KALRN: variants seen among roughly 807,000 people sequenced by gnomAD.
KALRN encodes the protein kalirin.
KALRN carries 70 observed loss-of-function variants against 353.7 expected under a neutral mutation model. The observed-to-expected ratio is 0.20, with a 90% confidence interval of 0.16 to 0.24. The LOEUF is 0.24. KALRN is among the 10% of genes least tolerant of loss of function. KALRN has a pLI of 1.00. For missense variants in KALRN, 2,791 were observed against 3,756.7 expected (o/e 0.74, Z 6.72); for synonymous variants, 1,391 against 1,434.8 (o/e 0.97, Z 0.69).
At chr3:124,223,787 T>C (rs563034712) in intron 1 of KALRN, among the ~76,000 whole-genome samples, 2 of 152,302 alleles carry the variant, frequency 1.3e-5, no homozygotes, top group South Asian at 4.1e-4. Context: ...CATTGCCGTG[T>C]AAGGTCACAC....
At chr3:124,638,760 G>A (rs1237323002) in intron 37 of KALRN, among the ~76,000 whole-genome samples, 5 of 152,140 alleles carry the variant, frequency 3.3e-5, no homozygotes, top group Non-Finnish European at 7.4e-5. Context: ...TCTCCAATGG[G>A]GGGGTGCCCT....
intron 17 of KALRN, among the ~76,000 whole-genome samples, chr3:124,435,324 A>G (rs2093422783): frequency 6.6e-6 from 1 of 152,278 alleles, no homozygotes; most frequent in African/African-American, 2.4e-5. Flanking sequence ...GGAACTAGAA[A>G]CACACCAGAT....
intron 1 of KALRN, among the ~76,000 whole-genome samples, chr3:124,047,166 A>G (rs1249446225): frequency 2.0e-5 from 3 of 152,198 alleles, no homozygotes; most frequent in African/African-American, 7.2e-5. Flanking sequence ...TTCTTTTAGA[A>G]AGATCCAAGT....
At chr3:124,309,917 T>TA (rs1370044322) in intron 6 of KALRN, among the ~76,000 whole-genome samples, 1 of 152,178 alleles carries the variant, frequency 6.6e-6, no homozygotes, top group African/African-American at 2.4e-5. Context: ...TTGGAGGGTC[T>TA]ATTCAGGGCA....
At chr3:124,215,741 T>C (rs2077270279) in intron 1 of KALRN, among the ~76,000 whole-genome samples, 1 of 152,132 alleles carries the variant, frequency 6.6e-6, no homozygotes, top group African/African-American at 2.4e-5. Flanking sequence ...GCTGTGACCT[T>C]CCCCTCAAGA....
intron 10 of KALRN, among the ~76,000 whole-genome samples, chr3:124,349,446 A>T (rs2082616090): frequency 6.6e-6 from 1 of 151,420 alleles, no homozygotes; most frequent in Non-Finnish European, 1.5e-5. Context: ...AAACATTATG[A>T]TTTTTTTTGC....
chr3:124,661,670 C>T (rs72966671), intron 44 of KALRN, among the ~76,000 whole-genome samples, 181 bp from the exon 45 acceptor site: 181 of 152,340 alleles, frequency 1.2e-3, no homozygotes, highest in African/African-American at 4.3e-3. Context: ...TGAGGACCAA[C>T]ACCCTCCCTC....
intron 13 of KALRN, chr3:124,410,131 G>A (rs1358386831): frequency 2.1e-6 from 1 of 485,698 alleles, no homozygotes; most frequent in East Asian, 5.9e-5. Flanking sequence ...GCTTAGATTT[G>A]AATTCCCAAG....
rs779118555 is a variant in KALRN at position 124,422,928 on chromosome 3, C to A, written c.2659C>A (p.Arg887=). ...LELNAEQTHK[R]LEQCLQLRHL... is the part of the protein sequence containing the mutation. The stretch of plus-strand genomic sequence containing the variant: ...GCTCAATGCAGAGCAGACTCATAAG[C>A]GGCTAGAGCAGTGCCTCCAATTACG... The change falls in exon 15 of 60, where the codon CGG becomes AGG. Residue 887 remains arginine (R), a synonymous_variant. Transcript: ENST00000682506. 1.2e-6 allele frequency: 2 copies of A among 1,613,754 alleles called. No homozygotes were observed. Among genetic ancestry groups the A allele is most frequent in the East Asian group, 2.2e-5 (1 of 44,884 alleles).
intron 1 of KALRN, among the ~76,000 whole-genome samples, chr3:124,164,927 C>T (rs186221096): frequency 1.3e-3 from 204 of 152,250 alleles, no homozygotes; most frequent in Middle Eastern, 3.4e-3. Flanking sequence ...ATCTTTGTCC[C>T]GATCATAGTA....
intron 7 of KALRN, 49 bp from the exon 8 acceptor site, chr3:124,329,812 T>C (rs1272539563): frequency 6.3e-7 from 1 of 1,589,730 alleles, no homozygotes; most frequent in East Asian, 2.3e-5. Context: ...TCCACCCAAC[T>C]CCTCACCCCC....
intron 1 of KALRN, among the ~76,000 whole-genome samples, chr3:124,182,551 A>G (rs543687223): frequency 5.3e-5 from 8 of 152,358 alleles, no homozygotes; most frequent in African/African-American, 1.9e-4. Context: ...ACAGTCGCAC[A>G]TAGCCTAGCC....
rs142942083 is a variant in KALRN at position 124,268,787 on chromosome 3, C to T, written c.501C>T (p.Pro167=). Residue 167 remains proline, a synonymous_variant, in exon 5 of 60, where the codon CCC becomes CCT. Transcript: ENST00000682506. ...SVEGLTKLVD[P]SQLTEEFDGS... ...AGGGCCTCACAAAGCTGGTGGACCC[C>T]TCCCAGCTGACGGAGGAGTTTGATG... The T allele has an allele frequency of 4.9e-4, 790 of 1,614,178 alleles. No homozygotes were observed. Among genetic ancestry groups the T allele is most frequent in the Middle Eastern group, 9.9e-4 (6 of 6,062 alleles).
At chr3:124,496,070 G>C (rs1383241879) in intron 32 of KALRN, among the ~76,000 whole-genome samples, 1 of 140,228 alleles carries the variant, frequency 7.1e-6, no homozygotes, top group African/African-American at 2.6e-5. Context: ...AGGAGTTTTG[G>C]GGAAGGGGGT....
chr3:124,576,511 G>A (rs551158550), intron 34 of KALRN, among the ~76,000 whole-genome samples: 1 of 152,308 alleles, frequency 6.6e-6, no homozygotes, highest in African/African-American at 2.4e-5. Flanking sequence ...TCTGATGCTA[G>A]GAGTCCTGAT....
chr3:124,600,641 A>G, intron 34 of KALRN, among the ~76,000 whole-genome samples: 1 of 125,224 alleles, frequency 8.0e-6, no homozygotes, highest in African/African-American at 3.7e-5. Flanking sequence ...CATGAAATTT[A>G]TATATATATA....
At chr3:124,566,599 C>T (rs545007395) in intron 34 of KALRN, among the ~76,000 whole-genome samples, 6 of 152,238 alleles carry the variant, frequency 3.9e-5, no homozygotes, top group South Asian at 2.1e-4. Context: ...CAGTTATGCA[C>T]ATAGCCCAGC....
intron 25 of KALRN, among the ~76,000 whole-genome samples, chr3:124,463,823 A>G (rs538386449): frequency 6.6e-6 from 1 of 152,228 alleles, no homozygotes; most frequent in Non-Finnish European, 1.5e-5. Flanking sequence ...GTATGTCATC[A>G]GATGGCATCA....
chr3:124,634,056 C>T (rs1157009548), intron 36 of KALRN, 103 bp downstream of exon 36: 19 of 837,654 alleles, frequency 2.3e-5, no homozygotes, highest in African/African-American at 8.5e-5. Flanking sequence ...CATGTTATCT[C>T]GTCGTCCACA....
Sources: gnomAD v4.1 joint callset for allele counts (sites outside exome capture counted in the v4.1 genomes callset) on GRCh38, gnomAD v4.1.1 for gene constraint, MANE v1.5 for transcripts, NCBI Gene and HGNC (gene_info 2026-07-23, HGNC 2026-07-21) for gene names.